Variants in CREB5 observed in about 807,000 individuals in gnomAD.
CREB5 encodes cAMP responsive element binding protein 5, also known as cyclic AMP-responsive element-binding protein 5.
A neutral mutation model predicts 57.1 loss-of-function variants in CREB5; 19 were observed. The observed-to-expected ratio is 0.33, with a 90% CI of 0.23 to 0.49. The LOEUF is 0.49. CREB5 is among the 20% of genes least tolerant of loss of function. The pLI is 0.99. For synonymous variants in CREB5, 238 were observed against 238.3 expected (o/e 1.00, Z 0.01); for missense variants, 579 against 671.6 (o/e 0.86, Z 1.52).
chr7:28,525,656 C>T (rs1324992465), intron 4 of CREB5, among the ~76,000 whole-genome samples: 2 of 152,100 alleles, frequency 1.3e-5, no homozygotes, highest in Admixed American at 1.3e-4. Flanking sequence ...TAAGGTACCA[C>T]TCAGACCACA....
intron 1 of CREB5, among the ~76,000 whole-genome samples, chr7:28,381,176 G>A (rs1786959551): frequency 6.6e-6 from 1 of 152,182 alleles, no homozygotes; most frequent in Non-Finnish European, 1.5e-5. Context: ...TATTAATCAA[G>A]ATTAGGGTGA....
At chr7:28,376,271 CT>C (rs11386292) in intron 1 of CREB5, among the ~76,000 whole-genome samples, 134 of 130,564 alleles carry the variant, frequency 1.0e-3, no homozygotes, top group Middle Eastern at 4.3e-3. Context: ...CAGAGAAGTA[CT>C]TTTTTTTTTT....
At chr7:28,607,403 C>T (rs959985575) in intron 5 of CREB5, among the ~76,000 whole-genome samples, 4 of 152,032 alleles carry the variant, frequency 2.6e-5, no homozygotes, top group South Asian at 4.2e-4. Context: ...TCACTGGGGG[C>T]GGAATGAGGC....
Position 28,792,000 on chromosome 7 carries a change from T to A in CREB5, c.703-12199T>A, listed in dbSNP as rs139428545. 3.9e-5 allele frequency among the ~76,000 whole-genome samples: 6 copies of A among 152,288 alleles called. No homozygotes were observed. In the East Asian group the frequency reaches 1.2e-3, roughly 29 times the overall value. On this transcript the variant is annotated intron_variant, in intron 7 of 10. Transcript: ENST00000357727. ...ATAGCTTAGCAAGGGCCAGTGATTC[T>A]ACCGTCAAAAATGTGCCAAATAGGA...
chr7:28,526,958 G>A (rs573603952), intron 4 of CREB5, among the ~76,000 whole-genome samples: 22 of 152,160 alleles, frequency 1.4e-4, no homozygotes, highest in Non-Finnish European at 2.1e-4. Flanking sequence ...AGCAGGTGCT[G>A]GACACCTGGA....
At chr7:28,629,063 C>T (rs1798107972) in intron 5 of CREB5, among the ~76,000 whole-genome samples, 1 of 152,174 alleles carries the variant, frequency 6.6e-6, no homozygotes, top group Admixed American at 6.5e-5. Context: ...CCTCTTGCCA[C>T]CTGTGTCATC....
chr7:28,352,204 G>A (rs1465205722), intron 1 of CREB5, among the ~76,000 whole-genome samples: 1 of 152,170 alleles, frequency 6.6e-6, no homozygotes, highest in Non-Finnish European at 1.5e-5. Context: ...CTCAGACAAG[G>A]TCCCTTCCTT....
chr7:28,309,381 C>T (rs946822107), intron 1 of CREB5, among the ~76,000 whole-genome samples: 4 of 152,084 alleles, frequency 2.6e-5, no homozygotes, highest in African/African-American at 7.2e-5. Flanking sequence ...TGTCTCAGGC[C>T]CCTCTTTTCT....
intron 1 of CREB5, among the ~76,000 whole-genome samples, chr7:28,395,801 C>CA (rs1787323542): frequency 6.7e-6 from 1 of 149,242 alleles, no homozygotes. Flanking sequence ...TTCTTTCTTT[C>CA]TTTTTTTTTT....
intron 1 of CREB5, among the ~76,000 whole-genome samples, chr7:28,377,383 TATA>T (rs940869074): frequency 1.1e-4 from 17 of 151,560 alleles, no homozygotes; most frequent in African/African-American, 4.1e-4. Flanking sequence ...TTGGGTTAAA[TATA>T]ATATATTATT....
At chr7:28,375,891 T>G (rs1054909549) in intron 1 of CREB5, among the ~76,000 whole-genome samples, 5 of 152,212 alleles carry the variant, frequency 3.3e-5, no homozygotes, top group Non-Finnish European at 7.3e-5. Flanking sequence ...AGGTAAGTAC[T>G]ATCATTACTC....
chr7:28,796,273 T>C (rs1202978781), intron 7 of CREB5, among the ~76,000 whole-genome samples: 2 of 152,250 alleles, frequency 1.3e-5, no homozygotes, highest in Admixed American at 6.5e-5. Context: ...TATGTAAATG[T>C]AATCATACAA....
chr7:28,647,763 G>A (rs1190638174), intron 5 of CREB5, among the ~76,000 whole-genome samples: 2 of 152,046 alleles, frequency 1.3e-5, no homozygotes, highest in East Asian at 1.9e-4. Flanking sequence ...ACTGAGGAAC[G>A]GAATTTTAAA....
At chr7:28,363,607 T>C (rs1053146521) in intron 1 of CREB5, among the ~76,000 whole-genome samples, 1 of 151,858 alleles carries the variant, frequency 6.6e-6, no homozygotes, top group East Asian at 1.9e-4. Context: ...CCTTACTAGA[T>C]AATAAACACC....
intron 5 of CREB5, among the ~76,000 whole-genome samples, chr7:28,572,393 A>T (rs1795739595): frequency 6.6e-6 from 1 of 152,218 alleles, no homozygotes; most frequent in African/African-American, 2.4e-5. Flanking sequence ...AAGAACCCAT[A>T]GAGTGCTAAG....
At position 28,787,076 on chromosome 7, in the gene CREB5, G is replaced by A. The variant is rs149342822; in HGVS notation, c.703-17123G>A. Among the ~76,000 whole-genome samples, 8 of 152,228 alleles carry A rather than the reference G, an allele frequency of 5.3e-5. No individual in the cohort carries two copies. In the East Asian group the frequency reaches 1.4e-3, roughly 26 times the overall value. ...ATAACACTCCTGAGGTCTAGGGTCCGCCCATACCTGCTGTGCAAATGAGAA... is the reference window on the plus strand; with the variant it reads ...ATAACACTCCTGAGGTCTAGGGTCCACCCATACCTGCTGTGCAAATGAGAA... On this transcript the variant is annotated intron_variant, in intron 7 of 10. Coordinates refer to ENST00000357727, the MANE Select transcript of CREB5 (RefSeq NM_182898.4).
At chr7:28,556,226 A>G (rs899578647) in intron 4 of CREB5, among the ~76,000 whole-genome samples, 3 of 152,168 alleles carry the variant, frequency 2.0e-5, no homozygotes, top group African/African-American at 7.2e-5. Flanking sequence ...CCAGGTGCCA[A>G]ATTCCATCTT....
At chr7:28,715,665 A>G (rs1802647841) in intron 5 of CREB5, among the ~76,000 whole-genome samples, 1 of 152,096 alleles carries the variant, frequency 6.6e-6, no homozygotes, top group African/African-American at 2.4e-5. Context: ...TACTTTTTTC[A>G]GTTTTTGTAG....
At chr7:28,653,385 T>A (rs988146348) in intron 5 of CREB5, among the ~76,000 whole-genome samples, 1 of 152,198 alleles carries the variant, frequency 6.6e-6, no homozygotes, top group Non-Finnish European at 1.5e-5. Flanking sequence ...CTTTCAGATT[T>A]CCAGCATGAA....
Sources: allele counts gnomAD v4.1 joint callset (sites outside exome capture counted in the v4.1 genomes callset), GRCh38; gene constraint gnomAD v4.1.1; transcripts MANE v1.5; gene names NCBI Gene and HGNC (gene_info 2026-07-23, HGNC 2026-07-21).